The following R3HDM2 variants were observed in gnomAD, a reference collection of about 807,000 sequenced individuals.
R3HDM2 encodes the protein R3H domain containing 2, also known as R3H domain-containing protein 2.
R3HDM2 carries 38 observed loss-of-function variants against 124.5 expected under a neutral mutation model. That is an observed-to-expected ratio of 0.31 (90% CI 0.24 to 0.40). The LOEUF is 0.40. R3HDM2 is among the 10% of genes least tolerant of loss of function. The pLI is 1.00. For synonymous variants in R3HDM2, 391 were observed against 448.0 expected (o/e 0.87, Z 1.61); for missense variants, 869 against 1,236.9 (o/e 0.70, Z 4.46).
At chr12:57,403,479 C>T (rs1192538323) in intron 1 of R3HDM2, among the ~76,000 whole-genome samples, 13 of 147,490 alleles carry the variant, frequency 8.8e-5, no homozygotes, top group Admixed American at 1.4e-4. Context: ...GTGACAAGAG[C>T]GAAACTCAGT....
rs531724320 is a variant in R3HDM2 at position 57,398,496 on chromosome 12, T to C, written c.-105-2678A>G. Among the ~76,000 whole-genome samples, 11 of 148,672 alleles carry C rather than the reference T, an allele frequency of 7.4e-5. No homozygotes were observed. The South Asian group carries it at 8.4e-4, about 11-fold the overall frequency. The stretch of plus-strand genomic sequence containing the variant: ...GAAATCTCTCTTCCTTTCTCTCTCT[T>C]TTTTTTTTTTGAGATGGAGTCTTAC... On this transcript the variant is annotated intron_variant, in intron 1 of 23. Coordinates refer to ENST00000402412, the MANE Select transcript of R3HDM2 (RefSeq NM_001394031.1).
chr12:57,295,271 G>A (rs2049507270), intron 10 of R3HDM2, 128 bp downstream of exon 10: 9 of 677,286 alleles, frequency 1.3e-5, no homozygotes, highest in Non-Finnish European at 1.8e-5. Flanking sequence ...AGCCAACTCC[G>A]TATAGCTCAA....
At chr12:57,342,468 TCACAGA>T (rs1036269303) in intron 2 of R3HDM2, among the ~76,000 whole-genome samples, 12 of 147,706 alleles carry the variant, frequency 8.1e-5, no homozygotes, top group Middle Eastern at 3.4e-3. Flanking sequence ...GCACATACAC[TCACAGA>T]CACAGACACA....
intron 2 of R3HDM2, among the ~76,000 whole-genome samples, chr12:57,323,919 C>T (rs1409200520): frequency 6.6e-6 from 1 of 152,086 alleles, no homozygotes; most frequent in Non-Finnish European, 1.5e-5. Flanking sequence ...AAAGTAATGC[C>T]ACTATGCAGA....
At chr12:57,272,312 C>T in intron 14 of R3HDM2, 1 of 717,800 alleles carries the variant, frequency 1.4e-6, no homozygotes, top group Non-Finnish European at 2.5e-6. Flanking sequence ...TCAGCCTGTG[C>T]TGGTCCCTCA....
intron 1 of R3HDM2, among the ~76,000 whole-genome samples, chr12:57,397,966 G>A (rs748498268): frequency 6.6e-6 from 1 of 152,110 alleles, no homozygotes; most frequent in African/African-American, 2.4e-5. Flanking sequence ...GGCGAATCAC[G>A]AGCTCAGGAG....
At chr12:57,272,055 C>T (rs1005486395) in intron 14 of R3HDM2, among the ~76,000 whole-genome samples, 1 of 152,040 alleles carries the variant, frequency 6.6e-6, no homozygotes, top group African/African-American at 2.4e-5. Context: ...CCACCACGCC[C>T]GGCCTGTGTT....
At chr12:57,256,099 C>T in intron 22 of R3HDM2, 25 bp from the exon 23 acceptor site, 4 of 1,596,838 alleles carry the variant, frequency 2.5e-6, no homozygotes, top group Non-Finnish European at 3.4e-6. Flanking sequence ...AGACGACTCT[C>T]ATCCCATGTA....
intron 2 of R3HDM2, among the ~76,000 whole-genome samples, chr12:57,320,087 C>T (rs1397228187): frequency 4.0e-5 from 6 of 151,420 alleles, no homozygotes; most frequent in African/African-American, 1.2e-4. Flanking sequence ...GGTGAAACCC[C>T]GTTTCTACTA....
intron 2 of R3HDM2, among the ~76,000 whole-genome samples, chr12:57,350,954 C>G (rs1005900743): frequency 4.6e-5 from 7 of 152,128 alleles, no homozygotes; most frequent in African/African-American, 1.7e-4. Context: ...CAAAAATTAG[C>G]TGGGCATGGT....
At chr12:57,409,310 A>T (rs2068800462) in intron 1 of R3HDM2, among the ~76,000 whole-genome samples, 1 of 152,220 alleles carries the variant, frequency 6.6e-6, no homozygotes, top group Middle Eastern at 3.4e-3. Flanking sequence ...CAAATTTTAC[A>T]CAGATCACAC....
chr12:57,300,294 G>T, intron 4 of R3HDM2, 113 bp from the exon 5 acceptor site: 1 of 837,138 alleles, frequency 1.2e-6, no homozygotes. Flanking sequence ...CTTTGGCTCT[G>T]TTAGTTGCTG....
chr12:57,328,074 C>CTTTTT (rs71084742), intron 2 of R3HDM2, among the ~76,000 whole-genome samples: 4 of 143,702 alleles, frequency 2.8e-5, no homozygotes, highest in Admixed American at 7.0e-5. Flanking sequence ...TTCACGTTAT[C>CTTTTT]TTTTTTTTTT....
chr12:57,283,713 T>G, intron 13 of R3HDM2, 111 bp downstream of exon 13: 1 of 1,084,110 alleles, frequency 9.2e-7, no homozygotes, highest in South Asian at 1.4e-5. Context: ...CATTCCAGCC[T>G]GGGCAACAGA....
chr12:57,382,177 C>G (rs1244433598), intron 2 of R3HDM2, among the ~76,000 whole-genome samples: 3 of 151,008 alleles, frequency 2.0e-5, no homozygotes, highest in African/African-American at 7.3e-5. Flanking sequence ...TGCAATGACA[C>G]AATCGTGGCT....
chr12:57,426,452 A>G (rs77878931), intron 1 of R3HDM2, among the ~76,000 whole-genome samples: 8,371 of 152,204 alleles, frequency 0.055, 657 homozygotes, highest in African/African-American at 0.18. Context: ...AACTGTCTCT[A>G]CATGAATTGG....
intron 2 of R3HDM2, among the ~76,000 whole-genome samples, chr12:57,360,105 T>C: frequency 6.8e-6 from 1 of 148,066 alleles, no homozygotes. Context: ...CTCAGATCAC[T>C]GCAACCTCCG....
chr12:57,269,246 A>T, intron 16 of R3HDM2, 77 bp downstream of exon 16: 1 of 1,580,560 alleles, frequency 6.3e-7, no homozygotes. Context: ...CTTCATTTTA[A>T]TGGAGAAGGT....
chr12:57,289,102 G>T, intron 11 of R3HDM2, 62 bp from the exon 12 acceptor site: 1 of 1,449,854 alleles, frequency 6.9e-7, no homozygotes, highest in Non-Finnish European at 9.5e-7. Context: ...TGACCGAAAA[G>T]GATGTCCATG....
Sources: gnomAD v4.1 joint callset for allele counts (sites outside exome capture counted in the v4.1 genomes callset) on GRCh38, gnomAD v4.1.1 for gene constraint, MANE v1.5 for transcripts, NCBI Gene and HGNC (gene_info 2026-07-23, HGNC 2026-07-21) for gene names.